The following CAMK1D variants were observed in gnomAD, a reference collection of about 807,000 sequenced individuals.
The protein encoded by CAMK1D is calcium/calmodulin-dependent protein kinase type 1D.
CAMK1D carries 9 observed loss-of-function variants against 47.7 expected under a neutral mutation model. The ratio of observed to expected loss-of-function variants is 0.19; its 90% CI spans 0.11 to 0.33. The LOEUF is 0.33. Ranked by LOEUF, CAMK1D falls within the 10% of genes least tolerant of loss-of-function variation. The probability of loss-of-function intolerance (pLI) is 1.00; values close to 1 mark genes in which losing one functional copy is unlikely to be tolerated. For missense variants in CAMK1D, 291 were observed against 488.7 expected, an observed-to-expected ratio of 0.60 and a Z score of 3.81; for synonymous variants, 184 against 184.9, an observed-to-expected ratio of 0.99 and a Z score of 0.04.
At chr10:12,763,247 A>G (rs2130910844) in intron 4 of CAMK1D, among the ~76,000 whole-genome samples, 1 of 152,324 alleles carries the variant, frequency 6.6e-6, no homozygotes, top group South Asian at 2.1e-4. Context: ...TTGGACTACT[A>G]AATTTGCGTA....
At chr10:12,659,035 G>A (rs1002449757) in intron 2 of CAMK1D, among the ~76,000 whole-genome samples, 3 of 152,152 alleles carry the variant, frequency 2.0e-5, no homozygotes, top group Non-Finnish European at 2.9e-5. Flanking sequence ...CTGGGGCTTC[G>A]GAAGCTGTAA....
At chr10:12,415,481 G>A (rs1163079927) in intron 1 of CAMK1D, among the ~76,000 whole-genome samples, 2 of 62,434 alleles carry the variant, frequency 3.2e-5, no homozygotes, top group Non-Finnish European at 7.8e-5. Flanking sequence ...TTTTTTTTTA[G>A]TAGAGATGAG....
chr10:12,814,055 C>T (rs1832708077), intron 6 of CAMK1D, 140 bp from the exon 7 acceptor site: 1 of 569,838 alleles, frequency 1.8e-6, no homozygotes, highest in Non-Finnish European at 3.1e-6. Context: ...TCCCAAATTG[C>T]TGGGATTACC....
At chr10:12,459,605 T>C (rs2132050422) in intron 1 of CAMK1D, among the ~76,000 whole-genome samples, 1 of 152,358 alleles carries the variant, frequency 6.6e-6, no homozygotes, top group East Asian at 1.9e-4. Flanking sequence ...GATAGCTCCA[T>C]GGTAGATAAT....
intron 1 of CAMK1D, among the ~76,000 whole-genome samples, chr10:12,353,199 C>G (rs1019829937): frequency 6.6e-6 from 1 of 152,152 alleles, no homozygotes; most frequent in Non-Finnish European, 1.5e-5. Context: ...TGAAATCTAA[C>G]ACAAATGAAA....
At chr10:12,556,323 C>A (rs2815625) in intron 2 of CAMK1D, among the ~76,000 whole-genome samples, 68,702 of 152,018 alleles carry the variant, frequency 0.45, 15,676 homozygotes, top group Middle Eastern at 0.58. Flanking sequence ...TGCAGCAGGC[C>A]GCACTGCTGG....
intron 3 of CAMK1D, among the ~76,000 whole-genome samples, chr10:12,693,028 T>A (rs1177894119): frequency 2.6e-5 from 4 of 152,140 alleles, no homozygotes; most frequent in Non-Finnish European, 4.4e-5. Context: ...CAGATCATCC[T>A]CTATAATGTG....
At chr10:12,704,283 T>C (rs1309525689) in intron 3 of CAMK1D, among the ~76,000 whole-genome samples, 3 of 152,220 alleles carry the variant, frequency 2.0e-5, no homozygotes, top group African/African-American at 7.2e-5. Flanking sequence ...TTCATATAAA[T>C]GTAGCTAATT....
chr10:12,558,688 G>A (rs1001551772), intron 2 of CAMK1D, among the ~76,000 whole-genome samples: 2 of 152,108 alleles, frequency 1.3e-5, no homozygotes, highest in Non-Finnish European at 2.9e-5. Flanking sequence ...GAAAGTGGGG[G>A]CTGAGAGAAG....
chr10:12,466,325 G>T (rs1833588824), intron 1 of CAMK1D, among the ~76,000 whole-genome samples: 1 of 152,090 alleles, frequency 6.6e-6, no homozygotes, highest in Non-Finnish European at 1.5e-5. Context: ...GGAGAATGGT[G>T]TGAACCTGGG....
intron 3 of CAMK1D, among the ~76,000 whole-genome samples, chr10:12,675,595 A>G (rs1353021408): frequency 1.3e-5 from 2 of 152,122 alleles, no homozygotes; most frequent in Non-Finnish European, 2.9e-5. Context: ...TCGTCTCTAT[A>G]CCTACCACTC....
intron 1 of CAMK1D, among the ~76,000 whole-genome samples, chr10:12,552,885 G>GCA (rs1395210231): frequency 6.6e-6 from 1 of 152,152 alleles, no homozygotes; most frequent in Admixed American, 6.5e-5. Flanking sequence ...GGAATTACAG[G>GCA]TGCGTGCCAC....
intron 1 of CAMK1D, among the ~76,000 whole-genome samples, chr10:12,360,798 A>G (rs986445265): frequency 2.0e-5 from 3 of 152,072 alleles, no homozygotes; most frequent in African/African-American, 7.2e-5. Flanking sequence ...ACTATTGCCA[A>G]ATTGGGCCCT....
intron 1 of CAMK1D, among the ~76,000 whole-genome samples, chr10:12,519,139 G>C (rs1467165807): frequency 2.3e-5 from 2 of 88,882 alleles, no homozygotes; most frequent in Non-Finnish European, 4.8e-5. Context: ...CCACCCTCCC[G>C]GACAGGGCGG....
rs529970088 is a variant in CAMK1D at position 12,830,964 on chromosome 10, C to CACACACACA, written c.*2078_*2079insCACACACAA. 1.1e-5 allele frequency: 1 copy of CACACACACA among 89,730 alleles called. No individual in the cohort carries two copies. The highest frequency in any genetic ancestry group is 1.2e-4 in the Admixed American group (1 of 8,510). 5.6% of individuals were successfully genotyped at this position (89,730 alleles called of 1,614,324 possible). ...ACACACACACACACACACACACACACAATGTTATTAGGCACAGCAGCTCCA... is the reference window on the plus strand; with the variant it reads ...ACACACACACACACACACACACACACACACACACAAATGTTATTAGGCACAGCAGCTCCA... On this transcript the variant is annotated 3_prime_UTR_variant, in exon 11 of 11. Coordinates refer to ENST00000619168, the MANE Select transcript of CAMK1D (RefSeq NM_153498.4).
chr10:12,515,993 A>G (rs1305930006), intron 1 of CAMK1D, among the ~76,000 whole-genome samples: 1 of 152,188 alleles, frequency 6.6e-6, no homozygotes, highest in Admixed American at 6.5e-5. Flanking sequence ...AGATTCATCC[A>G]TGTCGTTGCA....
At chr10:12,789,784 A>T (rs964679925) in intron 5 of CAMK1D, among the ~76,000 whole-genome samples, 5 of 146,574 alleles carry the variant, frequency 3.4e-5, no homozygotes, top group African/African-American at 1.2e-4. Flanking sequence ...ATAAAAGAAG[A>T]CCTAACTCAG....
At chr10:12,506,050 T>G (rs1450054521) in intron 1 of CAMK1D, among the ~76,000 whole-genome samples, 1 of 152,182 alleles carries the variant, frequency 6.6e-6, no homozygotes, top group Non-Finnish European at 1.5e-5. Context: ...TCCTGAGCCT[T>G]TATTTTCCCG....
At chr10:12,516,583 A>G (rs149272562) in intron 1 of CAMK1D, among the ~76,000 whole-genome samples, 19 of 152,326 alleles carry the variant, frequency 1.2e-4, no homozygotes, top group African/African-American at 4.3e-4. Flanking sequence ...CAAAGCATCT[A>G]TGCCATTTTG....
Sources: gnomAD v4.1 joint callset for allele counts (sites outside exome capture counted in the v4.1 genomes callset) on GRCh38, gnomAD v4.1.1 for gene constraint, MANE v1.5 for transcripts, NCBI Gene and HGNC (gene_info 2026-07-23, HGNC 2026-07-21) for gene names.